Variants in CDK5RAP2 observed in about 807,000 individuals in gnomAD.
CDK5RAP2 encodes CDK5 regulatory subunit-associated protein 2.
In CDK5RAP2, 147 loss-of-function variants were observed where a neutral mutation model predicts 232.9. The observed-to-expected ratio is 0.63, with a 90% confidence interval of 0.55 to 0.72. The LOEUF is 0.72. Among genes scored for constraint, CDK5RAP2 ranks in the 30% least tolerant of loss-of-function variants. The pLI, the probability that CDK5RAP2 is intolerant of heterozygous loss-of-function variation, is 0.00. For missense variants in CDK5RAP2, 2,195 were observed against 2,231.5 expected (o/e 0.98, Z 0.33); for synonymous variants, 833 against 833.7 (o/e 1.00, Z 0.01).
At chr9:120,442,269 A>G (rs1489217703) in intron 23 of CDK5RAP2, among the ~76,000 whole-genome samples, 10 of 152,178 alleles carry the variant, frequency 6.6e-5, no homozygotes, top group African/African-American at 2.4e-4. Context: ...ACTCTGAATG[A>G]TGCTTCCCGA....
chr9:120,575,950 T>G (rs940397956), intron 1 of CDK5RAP2, among the ~76,000 whole-genome samples: 1 of 152,226 alleles, frequency 6.6e-6, no homozygotes, highest in Admixed American at 6.5e-5. Flanking sequence ...TACAAAGCTT[T>G]CTACAGCAGT....
chr9:120,527,733 A>T (rs576414831), intron 10 of CDK5RAP2, 73 bp downstream of exon 10: 2 of 1,560,022 alleles, frequency 1.3e-6, no homozygotes, highest in South Asian at 2.3e-5. Flanking sequence ...TCTGAAGCTA[A>T]AAATTCAGGG....
At chr9:120,462,545 A>G (rs1481777089) in intron 18 of CDK5RAP2, among the ~76,000 whole-genome samples, 3 of 152,216 alleles carry the variant, frequency 2.0e-5, no homozygotes, top group Non-Finnish European at 2.9e-5. Flanking sequence ...CAACTGTAAT[A>G]CACTCATGCA....
chr9:120,555,517 G>A (rs1334777406), intron 3 of CDK5RAP2, among the ~76,000 whole-genome samples: 1 of 152,188 alleles, frequency 6.6e-6, no homozygotes, highest in East Asian at 1.9e-4. Flanking sequence ...GCTGGAATAT[G>A]TGAGCCACCG....
chr9:120,452,104 A>C (rs549427645), intron 21 of CDK5RAP2, among the ~76,000 whole-genome samples: 329 of 152,204 alleles, frequency 2.2e-3, no homozygotes, highest in Middle Eastern at 3.4e-3. Flanking sequence ...TCAAACAAAA[A>C]AAACAAACAA....
At chr9:120,492,518 C>T (rs994110433) in intron 12 of CDK5RAP2, among the ~76,000 whole-genome samples, 5 of 152,044 alleles carry the variant, frequency 3.3e-5, no homozygotes, top group African/African-American at 1.2e-4. Context: ...AACGTTTATA[C>T]AATTATCTTA....
At position 120,549,610 on chromosome 9, in the gene CDK5RAP2, C is replaced by T. The variant is rs73548139; in HGVS notation, c.306+1182G>A. ...CCCTGTAAGATGAAGATAAACTCCA[C>T]GGCACAGGACTGTCATGAGAATTAC... On this transcript the variant is annotated intron_variant, in intron 4 of 37. Coordinates refer to ENST00000349780, the MANE Select transcript of CDK5RAP2 (RefSeq NM_018249.6). Among the ~76,000 whole-genome samples the T allele has an allele frequency of 7.4e-3, 1,134 of 152,256 alleles. 22 individuals are homozygous for T. The highest frequency in any genetic ancestry group is 0.026 in the African/African-American group (1,076 of 41,534).
intron 11 of CDK5RAP2, among the ~76,000 whole-genome samples, chr9:120,523,506 G>A (rs2040762504): frequency 6.6e-6 from 1 of 152,208 alleles, no homozygotes; most frequent in Non-Finnish European, 1.5e-5. Flanking sequence ...AGGCAAGTCT[G>A]AGATTCCAAA....
At chr9:120,409,928 G>A (rs1386619575) in intron 29 of CDK5RAP2, among the ~76,000 whole-genome samples, 1 of 152,182 alleles carries the variant, frequency 6.6e-6, no homozygotes, top group East Asian at 1.9e-4. Context: ...TGGATTCACT[G>A]AGATGCCATC....
chr9:120,440,466 A>C (rs1046873218), intron 23 of CDK5RAP2: 7 of 173,302 alleles, frequency 4.0e-5, no homozygotes, highest in Non-Finnish European at 8.8e-5. Flanking sequence ...CCTCTATTCT[A>C]CTCCTACCTA....
intron 32 of CDK5RAP2, among the ~76,000 whole-genome samples, chr9:120,404,730 G>C (rs757098208): frequency 6.6e-6 from 1 of 152,202 alleles, no homozygotes; most frequent in Non-Finnish European, 1.5e-5. Context: ...TACTGAAAGA[G>C]TAAGTCTGGA....
At chr9:120,456,658 T>C (rs888929826) in intron 20 of CDK5RAP2, among the ~76,000 whole-genome samples, 26 of 152,234 alleles carry the variant, frequency 1.7e-4, no homozygotes, top group African/African-American at 6.3e-4. Flanking sequence ...ATTTCTGGCA[T>C]TTCAAGCTTC....
intron 35 of CDK5RAP2, 30 bp from the exon 36 acceptor site, chr9:120,394,668 C>T (rs374958109): frequency 1.3e-6 from 2 of 1,525,032 alleles, no homozygotes; most frequent in Non-Finnish European, 1.8e-6. Flanking sequence ...GAAAAATGAA[C>T]AAAGAACATA....
At chr9:120,426,172 C>G (rs1036384208) in intron 25 of CDK5RAP2, among the ~76,000 whole-genome samples, 1 of 152,178 alleles carries the variant, frequency 6.6e-6, no homozygotes, top group African/African-American at 2.4e-5. Context: ...GACATGCATG[C>G]CCCATTATTA....
At chr9:120,496,365 G>A (rs1453222768) in intron 12 of CDK5RAP2, among the ~76,000 whole-genome samples, 32 of 131,222 alleles carry the variant, frequency 2.4e-4, no homozygotes, top group Middle Eastern at 4.7e-3. Flanking sequence ...CAGCCGCCCC[G>A]TCCGGGAGGG....
chr9:120,480,923 C>A (rs557130149), intron 14 of CDK5RAP2, among the ~76,000 whole-genome samples: 1 of 152,272 alleles, frequency 6.6e-6, no homozygotes, highest in Non-Finnish European at 1.5e-5. Context: ...TTCCCAAATG[C>A]CTTTTGTACA....
At chr9:120,555,073 AAGACCCTGTCCCTACAAAAAATG>A (rs1373536138) in intron 3 of CDK5RAP2, among the ~76,000 whole-genome samples, 2 of 147,504 alleles carry the variant, frequency 1.4e-5, no homozygotes, top group Non-Finnish European at 3.0e-5. Context: ...AAAAAGAATC[AAGACCCTGTCCCTACAAAAAATG>A]AGATACCGTA....
intron 14 of CDK5RAP2, among the ~76,000 whole-genome samples, chr9:120,480,890 C>T (rs1019720999): frequency 6.6e-6 from 1 of 152,196 alleles, no homozygotes; most frequent in Non-Finnish European, 1.5e-5. Context: ...GTAAATCATG[C>T]CACATGTCAC....
At chr9:120,446,617 T>C (rs2036207843) in intron 22 of CDK5RAP2, among the ~76,000 whole-genome samples, 2 of 152,150 alleles carry the variant, frequency 1.3e-5, no homozygotes, top group African/African-American at 4.8e-5. Context: ...AAAAGAGTCC[T>C]AGAATGGCCT....
Sources: allele counts gnomAD v4.1 joint callset (sites outside exome capture counted in the v4.1 genomes callset), GRCh38; gene constraint gnomAD v4.1.1; transcripts MANE v1.5; gene names NCBI Gene and HGNC (gene_info 2026-07-23, HGNC 2026-07-21).